The following BCL11B variants were observed in gnomAD, a reference collection of about 807,000 sequenced individuals.
BCL11B encodes the protein BCL11 transcription factor B.
In BCL11B, 8 loss-of-function variants were observed where a neutral mutation model predicts 49.9. That is an observed-to-expected ratio of 0.16 (90% CI 0.09 to 0.29). BCL11B has a LOEUF of 0.29. BCL11B is among the 10% of genes least tolerant of loss of function. The probability of loss-of-function intolerance (pLI) is 1.00; values close to 1 mark genes in which losing one functional copy is unlikely to be tolerated. For synonymous variants in BCL11B, 739 were observed against 637.4 expected (o/e 1.16, Z -2.40); for missense variants, 1,006 against 1,351.0 (o/e 0.74, Z 4.00).
At position 99,247,785 on chromosome 14, in the gene BCL11B, C is replaced by G. The variant is rs1888889828; in HGVS notation, c.427+9686G>C. The stretch of plus-strand genomic sequence containing the variant: ...GGCTCTGTGCCTCTGGATTCATCTT[C>G]AGCAGACGCTGACCCACGCACCTGT... On this transcript the variant is annotated intron_variant, in intron 2 of 3. Coordinates refer to ENST00000357195, the MANE Select transcript of BCL11B (RefSeq NM_138576.4). This position sits in a 1 kb window ranked among gnomAD's most constrained non-coding sequence, Gnocchi z 4.5. Among the ~76,000 whole-genome samples the G allele has an allele frequency of 6.6e-6, 1 of 152,240 alleles. No individual in the cohort carries two copies. Among genetic ancestry groups the G allele is most frequent in the Non-Finnish European group, 1.5e-5 (1 of 68,044 alleles).
At chr14:99,180,935 ACT>A in intron 3 of BCL11B, among the ~76,000 whole-genome samples, 1 of 151,994 alleles carries the variant, frequency 6.6e-6, no homozygotes, top group Non-Finnish European at 1.5e-5. Context: ...ATGAAATGTG[ACT>A]CTCCCTCTGC....
chr14:99,201,872 G>C (rs1887394259), intron 3 of BCL11B, among the ~76,000 whole-genome samples: 1 of 152,178 alleles, frequency 6.6e-6, no homozygotes, highest in South Asian at 2.1e-4. Flanking sequence ...TGCCCCCAAG[G>C]AGCTGCACTC....
In BCL11B at chr14:99,228,731, C is replaced by T. The variant is rs1442471160; in HGVS notation, c.640+2614G>A. The stretch of plus-strand genomic sequence containing the variant: ...TGGATGGAGAGCCTGGGATCAAATC[C>T]CACCTCCACCACTCCCTCCCTCCCT... On this transcript the variant is annotated intron_variant, in intron 3 of 3. Coordinates refer to ENST00000357195, the MANE Select transcript of BCL11B (RefSeq NM_138576.4). This position sits in a 1 kb window ranked among gnomAD's most constrained non-coding sequence, Gnocchi z 4.8. Among the ~76,000 whole-genome samples the T allele has an allele frequency of 6.6e-6, 1 of 152,166 alleles. No homozygotes were observed. The highest frequency in any genetic ancestry group is 1.5e-5 in the Non-Finnish European group (1 of 68,022).
chr14:99,212,296 T>C (rs1887710020), intron 3 of BCL11B, among the ~76,000 whole-genome samples: 1 of 152,112 alleles, frequency 6.6e-6, no homozygotes, highest in Admixed American at 6.6e-5. Flanking sequence ...AGCTGCAGCA[T>C]GTGCAGCTCA....
At chr14:99,218,273 G>A (rs531502357) in intron 3 of BCL11B, among the ~76,000 whole-genome samples, 2 of 147,464 alleles carry the variant, frequency 1.4e-5, no homozygotes, top group Admixed American at 6.8e-5. Flanking sequence ...CTAGAGACAG[G>A]GTTTCACCAT....
rs533825119 is a variant in BCL11B at position 99,213,824 on chromosome 14, G to A, written c.640+17521C>T. ...CAGGGGCCCCTGGCAAGGGCCCCCC[G>A]AGGGGCTGCCCCGTGCGCCCAGGCA... On this transcript the variant is annotated intron_variant, in intron 3 of 3. Transcript: ENST00000357195. The surrounding 1 kb of genome is among the most constrained non-coding windows in gnomAD (Gnocchi z 5.1). Among the ~76,000 whole-genome samples, 12 of 152,180 alleles carry A rather than the reference G, an allele frequency of 7.9e-5. No individual in the cohort carries two copies. The highest frequency in any genetic ancestry group is 1.9e-4 in the East Asian group (1 of 5,180).
chr14:99,208,160 G>T (rs1305588666), intron 3 of BCL11B, among the ~76,000 whole-genome samples: 1 of 152,168 alleles, frequency 6.6e-6, no homozygotes, highest in Non-Finnish European at 1.5e-5. Flanking sequence ...CCACAGGGGT[G>T]TCTGAAAGCC....
chr14:99,255,730 T>G (rs1371699540), intron 2 of BCL11B, among the ~76,000 whole-genome samples: 1 of 152,194 alleles, frequency 6.6e-6, no homozygotes, highest in Non-Finnish European at 1.5e-5. Context: ...GTCCCTGGAA[T>G]GTGGACCAAC....
intron 2 of BCL11B, among the ~76,000 whole-genome samples, chr14:99,244,845 A>G (rs1888777831): frequency 6.6e-6 from 1 of 152,232 alleles, no homozygotes; most frequent in Non-Finnish European, 1.5e-5. Flanking sequence ...AGAGCCCAGC[A>G]AGTGTAACAT....
chr14:99,240,167 A>T (rs1467778829), intron 2 of BCL11B, among the ~76,000 whole-genome samples: 1 of 152,212 alleles, frequency 6.6e-6, no homozygotes, highest in African/African-American at 2.4e-5. Context: ...GGTTAGTAGA[A>T]GGTTAAAAAG....
chr14:99,176,796 C>A (rs540857712), intron 3 of BCL11B, among the ~76,000 whole-genome samples: 2 of 152,286 alleles, frequency 1.3e-5, no homozygotes, highest in African/African-American at 2.4e-5. Flanking sequence ...TGTCTCCAGG[C>A]CTTGCCGAAT....
At chr14:99,266,683 TC>T (rs1360032386) in intron 1 of BCL11B, among the ~76,000 whole-genome samples, 2 of 152,240 alleles carry the variant, frequency 1.3e-5, no homozygotes, top group Non-Finnish European at 2.9e-5. Flanking sequence ...GGAAGCCCGT[TC>T]CTAGCCCATT....
In BCL11B at chr14:99,176,151, G is replaced by A. The variant is rs749837100; in HGVS notation, c.685C>T (p.Pro229Ser). ...SSYICTTCKQ[P>S]FNSAWFLLQH... ...AGCAGGAACCACGCGCTGTTGAAGG[G>A]CTGCTTGCATGTTGTGCAAATGTAG... Residue 229 changes from proline to serine, a missense_variant, in exon 4 of 4, where the codon CCC (proline) becomes TCC (serine). Physicochemically the swap from Pro to Ser is moderately conservative, Grantham distance 74 (BLOSUM62 -1). Transcript: ENST00000357195. 63 of 1,612,250 alleles carry A rather than the reference G, an allele frequency of 3.9e-5. No individual in the cohort carries two copies. Among genetic ancestry groups the A allele is most frequent in the Non-Finnish European group, 5.1e-5 (60 of 1,179,102 alleles).
intron 3 of BCL11B, among the ~76,000 whole-genome samples, chr14:99,206,111 A>G (rs568986421): frequency 3.3e-5 from 5 of 152,352 alleles, no homozygotes; most frequent in East Asian, 1.9e-4. Context: ...AGGGTGATCC[A>G]AGGACACAGA....
intron 3 of BCL11B, among the ~76,000 whole-genome samples, chr14:99,197,155 T>A (rs182172618): frequency 4.6e-4 from 70 of 152,286 alleles, no homozygotes; most frequent in Admixed American, 4.0e-3. Flanking sequence ...TGCACCCTTA[T>A]CAGGCTACAC....
intron 1 of BCL11B, among the ~76,000 whole-genome samples, chr14:99,266,964 T>C (rs933312510): frequency 2.0e-5 from 3 of 152,198 alleles, no homozygotes; most frequent in Non-Finnish European, 4.4e-5. Context: ...CGCTAGAAAC[T>C]GGTATCTGTA....
intron 1 of BCL11B, among the ~76,000 whole-genome samples, chr14:99,264,909 C>T (rs1283060639): frequency 3.9e-5 from 6 of 152,164 alleles, no homozygotes; most frequent in Admixed American, 2.6e-4. Flanking sequence ...CAGCACACGG[C>T]GTTTCTTGGG....
At chr14:99,225,275 C>G (rs764619398) in intron 3 of BCL11B, among the ~76,000 whole-genome samples, 18 of 152,220 alleles carry the variant, frequency 1.2e-4, no homozygotes, top group Non-Finnish European at 2.1e-4. Flanking sequence ...CTTGGTTTCC[C>G]CATTTATATA....
rs772804546 is a variant in BCL11B, at chr14:99,231,317, C to T, written c.640+28G>A. The T allele has an allele frequency of 1.9e-6, 3 of 1,601,010 alleles. No homozygotes were observed. Among genetic ancestry groups the T allele is most frequent in the East Asian group, 2.3e-5 (1 of 44,378 alleles). On this transcript the variant is annotated intron_variant, in intron 3 of 3. Transcript: ENST00000357195. The surrounding 1 kb of genome is among the most constrained non-coding windows in gnomAD (Gnocchi z 8.1). Reference sequence around the variant, plus strand: ...GGCACACCCCGCCATCCCGGGGGCCCGCCCCCCACCGCGGCGTCGTCTGTT... The same window carrying T: ...GGCACACCCCGCCATCCCGGGGGCCTGCCCCCCACCGCGGCGTCGTCTGTT...
Sources: gnomAD v4.1 joint callset for allele counts (sites outside exome capture counted in the v4.1 genomes callset) on GRCh38, gnomAD v4.1.1 for gene constraint, Gnocchi (gnomAD v3.1) non-coding constraint, MANE v1.5 for transcripts, NCBI Gene and HGNC (gene_info 2026-07-23, HGNC 2026-07-21) for gene names.